KHDRBS2: variants seen among roughly 807,000 people sequenced by gnomAD.
KHDRBS2 encodes KH RNA binding domain containing, signal transduction associated 2.
A neutral mutation model predicts 44.3 loss-of-function variants in KHDRBS2; 26 were observed. The ratio of observed to expected loss-of-function variants is 0.59; its 90% CI spans 0.43 to 0.81. KHDRBS2 has a LOEUF of 0.81. Ranked by LOEUF, KHDRBS2 falls within the 40% of genes least tolerant of loss-of-function variation. The pLI is 0.00. For missense variants in KHDRBS2, 476 were observed against 433.1 expected, an observed-to-expected ratio of 1.10 and a Z score of -0.88; for synonymous variants, 194 against 151.1, an observed-to-expected ratio of 1.28 and a Z score of -2.08.
At chr6:61,676,420 G>C (rs1765944892), downstream of KHDRBS2, among the ~76,000 whole-genome samples, 1 of 151,764 alleles carries the variant, frequency 6.6e-6, no homozygotes, top group South Asian at 2.1e-4. Context: ...CTTTGTCAGG[G>C]ATTTATTTTT....
At chr6:61,726,482 T>A (rs1191413077) in intron 7 of KHDRBS2, among the ~76,000 whole-genome samples, 2 of 152,124 alleles carry the variant, frequency 1.3e-5, no homozygotes, top group Non-Finnish European at 2.9e-5. Context: ...GAAGTCGAAC[T>A]CTCTTTATTT....
chr6:62,184,760 T>C lies in KHDRBS2; in HGVS notation c.92-7448A>G, dbSNP rs540220592. Among the ~76,000 whole-genome samples, 320 of 152,016 alleles carry C rather than the reference T, an allele frequency of 2.1e-3. 1 individual carries two copies. Among genetic ancestry groups the C allele is most frequent in the African/African-American group, 7.2e-3 (301 of 41,570 alleles). The stretch of plus-strand genomic sequence containing the variant: ...AGATAAGGATTTCTTGCATAATTCT[T>C]TTTCTTTTCATCATATTTACAACTT... On this transcript the variant is annotated intron_variant, in intron 1 of 8. Coordinates refer to ENST00000281156, the MANE Select transcript of KHDRBS2 (RefSeq NM_152688.4).
chr6:61,621,873 C>T, the KHDRBS2 span, among the ~76,000 whole-genome samples: 2 of 152,136 alleles, frequency 1.3e-5, no homozygotes, highest in Non-Finnish European at 2.9e-5. Context: ...AATGAACTGA[C>T]CACAGAGGGG....
At chr6:62,214,621 T>C (rs1281833830) in intron 1 of KHDRBS2, among the ~76,000 whole-genome samples, 1 of 151,716 alleles carries the variant, frequency 6.6e-6, no homozygotes. Flanking sequence ...TTTACCCACA[T>C]CTCTCTGACC....
At chr6:61,813,852 G>A (rs1788492968) in intron 6 of KHDRBS2, 1 of 443,940 alleles carries the variant, frequency 2.3e-6, no homozygotes, top group African/African-American at 2.0e-5. Context: ...TGACCTTCCA[G>A]TGCATAGAAG....
intron 6 of KHDRBS2, among the ~76,000 whole-genome samples, chr6:61,800,571 ACT>A (rs1417636946): frequency 6.6e-6 from 1 of 152,004 alleles, no homozygotes; most frequent in Non-Finnish European, 1.5e-5. Flanking sequence ...GGAAATCTTA[ACT>A]CTGATGTCTT....
rs139333730 is a variant in KHDRBS2, at chr6:61,974,933, A to AAAAT, written c.483+3129_483+3132dup. Among the ~76,000 whole-genome samples, 251 of 138,722 alleles carry AAAAT rather than the reference A, an allele frequency of 1.8e-3. 2 individuals carry two copies. The highest frequency in any genetic ancestry group is 3.6e-3 in the Middle Eastern group (1 of 276). The allele number at this position is 138,722 out of a possible 152,430, so 91.0% of individuals were successfully genotyped here. On this transcript the variant is annotated intron_variant, in intron 4 of 8. Transcript: ENST00000281156. Reference sequence around the variant, plus strand: ...GCGACATAGCAAGACTCCATCTTAAAAAATAAATAAATAAATAAATAAATA... The same window carrying AAAAT: ...GCGACATAGCAAGACTCCATCTTAAAAAATAAATAAATAAATAAATAAATAAATA...
chr6:61,877,603 A>T (rs1345423980), intron 6 of KHDRBS2, among the ~76,000 whole-genome samples: 2 of 151,890 alleles, frequency 1.3e-5, no homozygotes, highest in Non-Finnish European at 2.9e-5. Context: ...TTTCTGACAA[A>T]TAATAAAGAT....
intron 8 of KHDRBS2, among the ~76,000 whole-genome samples, chr6:61,695,140 T>A (rs1767765969): frequency 6.6e-6 from 1 of 152,148 alleles, no homozygotes. Flanking sequence ...CTGAACGCCT[T>A]TCCTTTAAAC....
intron 4 of KHDRBS2, among the ~76,000 whole-genome samples, chr6:61,910,532 T>G (rs980621360): frequency 6.6e-6 from 1 of 152,190 alleles, no homozygotes; most frequent in African/African-American, 2.4e-5. Flanking sequence ...AAGGTCACAT[T>G]GCCCATTACT....
chr6:61,711,215 T>C (rs1770466035), intron 7 of KHDRBS2, among the ~76,000 whole-genome samples: 2 of 151,732 alleles, frequency 1.3e-5, no homozygotes, highest in Non-Finnish European at 2.9e-5. Flanking sequence ...TTACAACTGT[T>C]CTTATGGAAC....
chr6:61,653,367 C>T, the KHDRBS2 span, among the ~76,000 whole-genome samples: 2 of 152,038 alleles, frequency 1.3e-5, no homozygotes, highest in Non-Finnish European at 2.9e-5. Flanking sequence ...AAGTCTGTTA[C>T]ATGTTTGTTA....
At chr6:62,164,107 T>G (rs1057305570) in intron 2 of KHDRBS2, among the ~76,000 whole-genome samples, 12 of 151,906 alleles carry the variant, frequency 7.9e-5, no homozygotes, top group Non-Finnish European at 1.8e-4. Context: ...GAGTCATGTC[T>G]GGGGTTAAAT....
rs1304207397 is a variant in KHDRBS2 at position 62,237,576 on chromosome 6, G to C, written c.91+48282C>G. Among the ~76,000 whole-genome samples the C allele has an allele frequency of 2.0e-5, 3 of 152,254 alleles. No homozygotes were observed. In the East Asian group the frequency reaches 5.8e-4, roughly 29 times the overall value. ...TGTCTGAACACTTTAGAAGATAGGT[G>C]TTTTGCCTAAGAATAAAAGTATTAG... is the stretch of plus-strand genomic sequence containing the variant. On this transcript the variant is annotated intron_variant, in intron 1 of 8. Coordinates refer to ENST00000281156, the MANE Select transcript of KHDRBS2 (RefSeq NM_152688.4).
chr6:62,277,309 T>C (rs1841096029), intron 1 of KHDRBS2, among the ~76,000 whole-genome samples: 1 of 152,032 alleles, frequency 6.6e-6, no homozygotes, highest in African/African-American at 2.4e-5. Context: ...ACATATCATA[T>C]GCAGTTTTTT....
chr6:61,798,556 T>G (rs16899705), intron 6 of KHDRBS2, among the ~76,000 whole-genome samples: 24,431 of 152,080 alleles, frequency 0.16, 2,473 homozygotes, highest in East Asian at 0.29. Context: ...TCTACTACAG[T>G]AATCTATAAA....
intron 1 of KHDRBS2, among the ~76,000 whole-genome samples, chr6:62,227,811 T>A (rs1316155762): frequency 1.3e-5 from 2 of 152,238 alleles, no homozygotes; most frequent in Non-Finnish European, 2.9e-5. Context: ...GTTCTGTTTA[T>A]GTGATGGATT....
At position 62,108,532 on chromosome 6, in the gene KHDRBS2, A is replaced by G. The variant is rs540445984; in HGVS notation, c.220-60538T>C. Among the ~76,000 whole-genome samples the G allele has an allele frequency of 8.1e-3, 1,231 of 152,290 alleles. 16 individuals carry two copies. The highest frequency in any genetic ancestry group is 0.029 in the African/African-American group (1,192 of 41,558). On this transcript the variant is annotated intron_variant, in intron 2 of 8. Transcript: ENST00000281156. ...AACTAGTTCAACCATCGTGGAAGTC[A>G]GTGTGGCGATTCCTCAGGGATCTAG...
intron 2 of KHDRBS2, among the ~76,000 whole-genome samples, chr6:62,168,143 T>C (rs1034515838): frequency 8.5e-5 from 13 of 152,144 alleles, no homozygotes; most frequent in African/African-American, 2.9e-4. Context: ...GTTTTCTGCA[T>C]TAATCTACAT....
Sources: gnomAD v4.1 joint callset for allele counts (sites outside exome capture counted in the v4.1 genomes callset) on GRCh38, gnomAD v4.1.1 for gene constraint, MANE v1.5 for transcripts, NCBI Gene and HGNC (gene_info 2026-07-23, HGNC 2026-07-21) for gene names.